The following SLC5A4 variants were observed in gnomAD, a reference collection of about 807,000 sequenced individuals.
SLC5A4 encodes the protein probable glucose sensor protein SLC5A4.
A neutral mutation model predicts 70.3 loss-of-function variants in SLC5A4; 55 were observed. That is an observed-to-expected ratio of 0.78 (90% CI 0.63 to 0.98). The LOEUF (loss-of-function observed/expected upper bound fraction) is 0.98, where lower values mean the gene tolerates loss of function less well. Ranked by LOEUF, SLC5A4 falls within the 50% of genes least tolerant of loss-of-function variation. SLC5A4 has a pLI of 0.00. For synonymous variants in SLC5A4, 268 were observed against 305.7 expected (o/e 0.88, Z 1.29); for missense variants, 735 against 839.2 (o/e 0.88, Z 1.53).
chr22:32,335,596 CAG>C, the SLC5A4 span, among the ~76,000 whole-genome samples: 8 of 152,278 alleles, frequency 5.3e-5, no homozygotes, highest in Admixed American at 3.9e-4. Flanking sequence ...CATGGCAGCC[CAG>C]AGAGGTGATG....
the SLC5A4 span, chr22:32,270,892 C>A: frequency 1.8e-6 from 1 of 556,412 alleles, no homozygotes. Flanking sequence ...CCAACGTGAT[C>A]ACGCTGTGCC....
At chr22:32,266,587 C>T in the SLC5A4 span, among the ~76,000 whole-genome samples, 5,069 of 152,194 alleles carry the variant, frequency 0.033, 277 homozygotes, top group African/African-American at 0.12. Flanking sequence ...ATACTGGCCA[C>T]GGGCAATGTT....
chr22:32,222,824 C>T (rs1325863174), intron 13 of SLC5A4, among the ~76,000 whole-genome samples: 3 of 152,168 alleles, frequency 2.0e-5, no homozygotes, highest in Non-Finnish European at 2.9e-5. Flanking sequence ...AAAAGCTACA[C>T]ATGTTTAGTC....
At chr22:32,291,378 C>T in the SLC5A4 span, among the ~76,000 whole-genome samples, 7 of 151,778 alleles carry the variant, frequency 4.6e-5, no homozygotes, top group East Asian at 1.9e-4. Flanking sequence ...GGGGTTTCAC[C>T]GTATTGGTCA....
At chr22:32,349,088 C>A in the SLC5A4 span, among the ~76,000 whole-genome samples, 101 of 152,120 alleles carry the variant, frequency 6.6e-4, no homozygotes, top group Non-Finnish European at 4.9e-4. Flanking sequence ...GATTTCCCTG[C>A]CTCAGCCTCC....
chr22:32,237,426 C>A, intron 6 of SLC5A4, 102 bp from the exon 7 acceptor site: 1 of 717,438 alleles, frequency 1.4e-6, no homozygotes, highest in Non-Finnish European at 2.3e-6. Flanking sequence ...GGAAATGACC[C>A]AGTAGAAGAC....
the SLC5A4 span, among the ~76,000 whole-genome samples, chr22:32,331,438 G>A: frequency 6.6e-6 from 1 of 152,118 alleles, no homozygotes; most frequent in African/African-American, 2.4e-5. Context: ...CTGGTCTCCA[G>A]GAAATACCAA....
At chr22:32,309,333 A>G in the SLC5A4 span, among the ~76,000 whole-genome samples, 1 of 152,220 alleles carries the variant, frequency 6.6e-6, no homozygotes, top group Non-Finnish European at 1.5e-5. Flanking sequence ...AGCAGCCTCG[A>G]ATGCAGATTC....
chr22:32,232,251 A>ATC (rs1379043340), intron 9 of SLC5A4, among the ~76,000 whole-genome samples: 8 of 152,232 alleles, frequency 5.3e-5, no homozygotes, highest in African/African-American at 1.9e-4. Context: ...TTTCAGTGAA[A>ATC]TCAACTGATG....
the SLC5A4 span, among the ~76,000 whole-genome samples, chr22:32,289,114 C>G: frequency 3.7e-4 from 57 of 152,110 alleles, no homozygotes; most frequent in African/African-American, 1.3e-3. Flanking sequence ...TTGTGGCTAT[C>G]TAGTGTCTCT....
the SLC5A4 span, among the ~76,000 whole-genome samples, chr22:32,311,072 G>A: frequency 4.6e-5 from 7 of 152,180 alleles, no homozygotes; most frequent in African/African-American, 1.7e-4. Flanking sequence ...ACTCGGTCCT[G>A]TGTGTCATTC....
chr22:32,337,043 T>TG, the SLC5A4 span, among the ~76,000 whole-genome samples: 2 of 152,194 alleles, frequency 1.3e-5, no homozygotes, highest in African/African-American at 2.4e-5. Context: ...GACGTTTCCT[T>TG]GGGGGGACTA....
chr22:32,281,113 C>A, the SLC5A4 span, among the ~76,000 whole-genome samples: 2 of 152,204 alleles, frequency 1.3e-5, no homozygotes, highest in African/African-American at 2.4e-5. Flanking sequence ...ATAGACATTT[C>A]TAACAAGAGC....
chr22:32,265,070 C>T, the SLC5A4 span, among the ~76,000 whole-genome samples: 1 of 152,158 alleles, frequency 6.6e-6, no homozygotes, highest in Non-Finnish European at 1.5e-5. Context: ...CTCAGATATA[C>T]TTCCTTTGTG....
the SLC5A4 span, among the ~76,000 whole-genome samples, chr22:32,332,598 C>G: frequency 3.3e-5 from 5 of 152,196 alleles, no homozygotes; most frequent in African/African-American, 9.7e-5. Context: ...GAGACAGGGC[C>G]GGAGGCTGCC....
the SLC5A4 span, among the ~76,000 whole-genome samples, chr22:32,321,191 CAGA>C: frequency 2.0e-5 from 3 of 152,182 alleles, no homozygotes; most frequent in African/African-American, 7.2e-5. Flanking sequence ...GAGGCTGAGG[CAGA>C]AGAACTGCTT....
chr22:32,255,511 T>C (rs996812027), upstream of SLC5A4, among the ~76,000 whole-genome samples: 4 of 151,936 alleles, frequency 2.6e-5, no homozygotes, highest in African/African-American at 7.2e-5. Context: ...CTAGCCTAGG[T>C]AGAGTGTGAG....
chr22:32,257,879 A>C (rs2145714373), upstream of SLC5A4, among the ~76,000 whole-genome samples: 1 of 151,072 alleles, frequency 6.6e-6, no homozygotes, highest in East Asian at 2.0e-4. Flanking sequence ...CATATTGACC[A>C]GGCTGGTCTT....
chr22:32,327,785 G>A, the SLC5A4 span, among the ~76,000 whole-genome samples: 1 of 152,166 alleles, frequency 6.6e-6, no homozygotes, highest in Non-Finnish European at 1.5e-5. Flanking sequence ...TCACTCTCAG[G>A]GGATGTCAGT....
Sources: gnomAD v4.1 joint callset for allele counts (sites outside exome capture counted in the v4.1 genomes callset) on GRCh38, gnomAD v4.1.1 for gene constraint, MANE v1.5 for transcripts, NCBI Gene and HGNC (gene_info 2026-07-23, HGNC 2026-07-21) for gene names.